The following LINC00632 variants were observed in gnomAD, a reference collection of about 807,000 sequenced individuals.
LINC00632 encodes long independently transcribed non-coding RNA 632, also known as ALDOA related specific transcript.
chrX:140,776,573 C>T (rs886709186), exon 5 of LINC00632, among the ~76,000 whole-genome samples: 2 of 112,623 alleles, frequency 1.8e-5, no homozygotes, highest in South Asian at 3.7e-4. Context: ...GGGTGTCGCG[C>T]GCTGGCCTGT....
Position 140,780,882 on chromosome X carries a change from CTGT to C in LINC00632, n.8902_8904del, listed in dbSNP as rs746575995. On this transcript the variant is annotated non_coding_transcript_exon_variant, in exon 5 of 5. Transcript: ENST00000648200. ...CCCCCACTACCACTTACCTGCATAA[CTGT>C]ATTAGCCTCACATCCCAACCCTTTA... 2.7e-3 allele frequency among the ~76,000 whole-genome samples: 303 copies of C among 110,929 alleles called. 1 individual carries two copies. Among genetic ancestry groups the C allele is most frequent in the Non-Finnish European group, 4.8e-3 (254 of 53,026 alleles).
At chrX:140,722,842 G>A (rs745968968) in intron 2 of LINC00632, among the ~76,000 whole-genome samples, 4 of 111,098 alleles carry the variant, frequency 3.6e-5, no homozygotes, top group African/African-American at 1.3e-4. Flanking sequence ...CTGAGGTGGG[G>A]AATTTGAAAC....
intron 2 of LINC00632, among the ~76,000 whole-genome samples, chrX:140,729,108 A>G (rs1041616625): frequency 9.0e-6 from 1 of 110,821 alleles, no homozygotes; most frequent in East Asian, 2.8e-4. Flanking sequence ...ATACCCCACA[A>G]CACACAAAAT....
At chrX:140,756,769 A>G (rs2148395048) in intron 3 of LINC00632, among the ~76,000 whole-genome samples, 1 of 112,154 alleles carries the variant, frequency 8.9e-6, no homozygotes, top group African/African-American at 3.2e-5. Flanking sequence ...TTACAAATCC[A>G]AGAAACATTT....
chrX:140,723,997 GAC>G (rs1292750982), intron 2 of LINC00632, among the ~76,000 whole-genome samples: 2 of 7,365 alleles, frequency 2.7e-4, no homozygotes, highest in African/African-American at 6.1e-4. Flanking sequence ...TCCATACACA[GAC>G]ACACACCATA....
chrX:140,769,896 C>G (rs1022984377), intron 3 of LINC00632, among the ~76,000 whole-genome samples: 1 of 111,800 alleles, frequency 8.9e-6, no homozygotes, highest in Non-Finnish European at 1.9e-5. Flanking sequence ...GTCTTACTTT[C>G]TGTACTATAA....
rs917963604 is a variant in LINC00632 at position 140,789,475 on chromosome X, T to C, written n.17494T>C. Reference sequence around the variant, plus strand: ...CACATGATCTTTTGGTTGTTAACAGTTTGTTGCTAATATAGATAATGATAT... The same window carrying C: ...CACATGATCTTTTGGTTGTTAACAGCTTGTTGCTAATATAGATAATGATAT... On this transcript the variant is annotated non_coding_transcript_exon_variant, in exon 5 of 5. Transcript: ENST00000648200. Among the ~76,000 whole-genome samples the C allele has an allele frequency of 6.3e-5, 7 of 111,581 alleles. No homozygotes were observed. The Admixed American group carries it at 6.7e-4, about 11-fold the overall frequency.
chrX:140,752,409 A>G (rs1425183108), intron 3 of LINC00632, among the ~76,000 whole-genome samples: 1 of 111,707 alleles, frequency 9.0e-6, no homozygotes, highest in African/African-American at 3.3e-5. Context: ...TCATTTGCTT[A>G]TATCTTCACA....
intron 3 of LINC00632, among the ~76,000 whole-genome samples, chrX:140,744,696 A>G (rs1310429882): frequency 4.6e-5 from 5 of 108,151 alleles, no homozygotes; most frequent in Admixed American, 1.0e-4. Flanking sequence ...CAGCCTCCCT[A>G]GTAGCTGGGA....
exon 5 of LINC00632, among the ~76,000 whole-genome samples, chrX:140,776,694 G>A (rs2148403111): frequency 8.9e-6 from 1 of 111,866 alleles, no homozygotes; most frequent in South Asian, 3.9e-4. Flanking sequence ...CTGTCGGTGG[G>A]AGTGTAAATT....
At chrX:140,745,817 T>C (rs191722469) in intron 3 of LINC00632, among the ~76,000 whole-genome samples, 2 of 112,449 alleles carry the variant, frequency 1.8e-5, no homozygotes, top group East Asian at 5.6e-4. Flanking sequence ...CCACTGGTCA[T>C]TTCATATGCT....
At chrX:140,727,482 G>A (rs911775624) in intron 2 of LINC00632, among the ~76,000 whole-genome samples, 1 of 110,803 alleles carries the variant, frequency 9.0e-6, no homozygotes, top group Admixed American at 9.6e-5. Flanking sequence ...TAATAGAGAC[G>A]GGGTTTCACC....
chrX:140,730,954 T>G (rs1481509136), intron 2 of LINC00632, among the ~76,000 whole-genome samples: 1 of 109,605 alleles, frequency 9.1e-6, no homozygotes, highest in Non-Finnish European at 1.9e-5. Context: ...CAGGCTGGAG[T>G]GCAGTGGTGC....
At chrX:140,759,881 A>T (rs942205636) in intron 3 of LINC00632, among the ~76,000 whole-genome samples, 1 of 111,813 alleles carries the variant, frequency 8.9e-6, no homozygotes, top group Non-Finnish European at 1.9e-5. Flanking sequence ...AAAACAAAAT[A>T]ACCCAAGTGT....
At chrX:140,779,428 G>GA (rs1254486868) in exon 5 of LINC00632, among the ~76,000 whole-genome samples, 1 of 111,952 alleles carries the variant, frequency 8.9e-6, no homozygotes, top group Non-Finnish European at 1.9e-5. Context: ...TCTACCACCC[G>GA]AATGCTAATA....
intron 2 of LINC00632, among the ~76,000 whole-genome samples, chrX:140,731,192 C>T (rs773508288): frequency 2.7e-5 from 3 of 112,306 alleles, no homozygotes; most frequent in East Asian, 2.8e-4. Context: ...TTAGCTAGCA[C>T]GCCCAGCCAA....
chrX:140,713,418 C>T, intron 2 of LINC00632: 1 of 290,533 alleles, frequency 3.4e-6, no homozygotes, highest in Middle Eastern at 5.3e-4. Flanking sequence ...TAAATCTCTT[C>T]GTTTCCTCAG....
chrX:140,719,365 C>T (rs1184629032), intron 2 of LINC00632, among the ~76,000 whole-genome samples: 1 of 110,209 alleles, frequency 9.1e-6, no homozygotes, highest in African/African-American at 3.3e-5. Flanking sequence ...GTGGCATGAT[C>T]TCAGATCACT....
intron 2 of LINC00632, among the ~76,000 whole-genome samples, chrX:140,723,990 A>G (rs1328325496): frequency 1.1e-5 from 1 of 93,170 alleles, no homozygotes; most frequent in Non-Finnish European, 2.2e-5. Flanking sequence ...CACACATTCC[A>G]TACACAGACA....
Sources: allele counts gnomAD v4.1 joint callset (sites outside exome capture counted in the v4.1 genomes callset), GRCh38; gene constraint gnomAD v4.1.1; transcripts MANE v1.5; gene names NCBI Gene and HGNC (gene_info 2026-07-23, HGNC 2026-07-21).